The following XKR9 variants were observed in gnomAD, a reference collection of about 807,000 sequenced individuals.
XKR9 encodes XK related 9.
A neutral mutation model predicts 32.0 loss-of-function variants in XKR9; 32 were observed. The ratio of observed to expected loss-of-function variants is 1.00; its 90% CI spans 0.76 to 1.34. The LOEUF (loss-of-function observed/expected upper bound fraction) is 1.34. Ranked by LOEUF, XKR9 falls within the 40% of genes most tolerant of loss-of-function variation. The pLI is 0.00. For missense variants in XKR9, 546 were observed against 429.7 expected (o/e 1.27, Z -2.39); for synonymous variants, 168 against 143.4 (o/e 1.17, Z -1.22).
At chr8:70,695,128 CTTT>C (rs149186256) in intron 3 of XKR9, among the ~76,000 whole-genome samples, 7 of 125,270 alleles carry the variant, frequency 5.6e-5, no homozygotes, top group African/African-American at 1.6e-4. Context: ...CCTTGTTTTT[CTTT>C]TTTTTTTTTT....
the XKR9 span, among the ~76,000 whole-genome samples, chr8:71,013,544 G>A: frequency 1.2e-4 from 19 of 152,216 alleles, no homozygotes; most frequent in African/African-American, 4.3e-4. Context: ...CAGCAGAGTT[G>A]TTGCTAGGCA....
chr8:70,803,356 T>C, the XKR9 span, among the ~76,000 whole-genome samples: 149,016 of 152,294 alleles, frequency 0.98, 72,914 homozygotes, highest in East Asian at 1. Context: ...TTATTGTATT[T>C]CTTAGATTCC....
the XKR9 span, among the ~76,000 whole-genome samples, chr8:71,052,871 T>G: frequency 6.6e-6 from 1 of 152,206 alleles, no homozygotes; most frequent in Non-Finnish European, 1.5e-5. Context: ...CTGAACAGGC[T>G]GGGACTCTGG....
chr8:70,706,219 G>A (rs1483412428), intron 3 of XKR9, among the ~76,000 whole-genome samples: 1 of 151,994 alleles, frequency 6.6e-6, no homozygotes, highest in African/African-American at 2.4e-5. Context: ...CTAAATAAAT[G>A]TTTCAATTTT....
the XKR9 span, among the ~76,000 whole-genome samples, chr8:70,988,133 C>T: frequency 0.1 from 15,416 of 152,070 alleles, 857 homozygotes; most frequent in Middle Eastern, 0.14. Context: ...GGGGCTGCCA[C>T]GCTATAATGA....
chr8:71,055,205 C>T, the XKR9 span, among the ~76,000 whole-genome samples: 28 of 152,138 alleles, frequency 1.8e-4, no homozygotes, highest in African/African-American at 6.3e-4. Flanking sequence ...TATATGTACC[C>T]ACTTCCTTTT....
At chr8:70,768,499 T>C (rs1807408726) in intron 2 of XKR9, among the ~76,000 whole-genome samples, 1 of 152,214 alleles carries the variant, frequency 6.6e-6, no homozygotes. Flanking sequence ...CTCATTGATC[T>C]GTCTAATATT....
At chr8:70,857,559 C>T in the XKR9 span, among the ~76,000 whole-genome samples, 1 of 152,158 alleles carries the variant, frequency 6.6e-6, no homozygotes, top group African/African-American at 2.4e-5. Context: ...GGTACCTTTC[C>T]TTCTGAAACT....
chr8:70,742,959 T>A (rs1807008804), intron 2 of XKR9, among the ~76,000 whole-genome samples: 1 of 152,120 alleles, frequency 6.6e-6, no homozygotes, highest in Admixed American at 6.5e-5. Context: ...TAAATTTTTG[T>A]CTTCTATTAT....
At chr8:70,754,089 A>G (rs1269715707) in intron 2 of XKR9, among the ~76,000 whole-genome samples, 1 of 146,574 alleles carries the variant, frequency 6.8e-6, no homozygotes, top group African/African-American at 2.4e-5. Flanking sequence ...AAATCAATGT[A>G]CAAAACTCAC....
At chr8:70,885,537 A>G in the XKR9 span, among the ~76,000 whole-genome samples, 44,764 of 151,656 alleles carry the variant, frequency 0.3, 8,565 homozygotes, top group Non-Finnish European at 0.43. Flanking sequence ...CGCATGCATT[A>G]TGTATTTGTC....
At chr8:71,029,292 G>A in the XKR9 span, among the ~76,000 whole-genome samples, 1 of 152,136 alleles carries the variant, frequency 6.6e-6, no homozygotes, top group African/African-American at 2.4e-5. Flanking sequence ...CTACTTTAAT[G>A]TTCATATGAT....
intron 2 of XKR9, among the ~76,000 whole-genome samples, chr8:70,778,282 C>T (rs547466993): frequency 6.6e-6 from 1 of 152,050 alleles, no homozygotes; most frequent in Non-Finnish European, 1.5e-5. Context: ...TTTCTGAGGC[C>T]TCTGTTCTGT....
At chr8:70,800,762 A>C in the XKR9 span, among the ~76,000 whole-genome samples, 1 of 152,146 alleles carries the variant, frequency 6.6e-6, no homozygotes, top group African/African-American at 2.4e-5. Context: ...CTGGGATTAC[A>C]GGTGTGAGCC....
At chr8:70,962,643 A>T in the XKR9 span, among the ~76,000 whole-genome samples, 1 of 152,190 alleles carries the variant, frequency 6.6e-6, no homozygotes. Flanking sequence ...TGTCTTTGCC[A>T]TTGTGAATAG....
At chr8:70,782,208 A>G (rs1367197440) in intron 2 of XKR9, among the ~76,000 whole-genome samples, 1 of 152,180 alleles carries the variant, frequency 6.6e-6, no homozygotes. Context: ...TTGCTTTGCT[A>G]TTCTCGGGTT....
the XKR9 span, among the ~76,000 whole-genome samples, chr8:70,857,894 G>T: frequency 6.6e-6 from 1 of 152,068 alleles, no homozygotes; most frequent in East Asian, 1.9e-4. Context: ...ATGCAGAAAA[G>T]GCCTTTGACA....
the XKR9 span, among the ~76,000 whole-genome samples, chr8:70,922,931 G>T: frequency 6.6e-6 from 1 of 152,228 alleles, no homozygotes; most frequent in Non-Finnish European, 1.5e-5. Flanking sequence ...TGATGCTGCC[G>T]ACGGGGCTCA....
the XKR9 span, among the ~76,000 whole-genome samples, chr8:70,836,313 G>A: frequency 1.3e-5 from 2 of 151,910 alleles, no homozygotes; most frequent in Non-Finnish European, 2.9e-5. Context: ...CCAAAATATG[G>A]AGCATTACTA....
Sources: gnomAD v4.1 joint callset for allele counts (sites outside exome capture counted in the v4.1 genomes callset) on GRCh38, gnomAD v4.1.1 for gene constraint, MANE v1.5 for transcripts, NCBI Gene and HGNC (gene_info 2026-07-23, HGNC 2026-07-21) for gene names.